DNAH17: variants seen among roughly 807,000 people sequenced by gnomAD.
DNAH17 encodes the protein dynein axonemal heavy chain 17, also known as axonemal beta dynein heavy chain 17.
DNAH17 carries 376 observed loss-of-function variants against 485.6 expected under a neutral mutation model. That is an observed-to-expected ratio of 0.77 (90% CI 0.71 to 0.84). The LOEUF (loss-of-function observed/expected upper bound fraction) is 0.84, where lower values mean the gene tolerates loss of function less well. Ranked by LOEUF, DNAH17 falls within the 40% of genes least tolerant of loss-of-function variation. The pLI, the probability that DNAH17 is intolerant of heterozygous loss-of-function variation, is 0.00. For missense variants in DNAH17, 6,370 were observed against 5,839.3 expected (o/e 1.09, Z -2.96); for synonymous variants, 3,031 against 2,405.9 (o/e 1.26, Z -7.60).
At chr17:78,550,660 C>T (rs1038344385) in intron 16 of DNAH17, among the ~76,000 whole-genome samples, 2 of 152,140 alleles carry the variant, frequency 1.3e-5, no homozygotes, top group South Asian at 2.1e-4. Context: ...CTTGGCCTTC[C>T]AGCCTCCAGA....
At position 78,479,606 on chromosome 17, in the gene DNAH17, G is replaced by A. The variant is rs778323445; in HGVS notation, c.7779C>T (p.Ser2593=). ...LQRHFCVFAV[S]FPGQEALTTI... ...TGGTGAGGGCCTCCTGGCCGGGGAA[G>A]CTCACAGCAAACACGCAGAAATGGC... The change falls in exon 50 of 81, where the codon AGC becomes AGT. Residue 2593 remains serine (S), a synonymous_variant. Coordinates refer to ENST00000389840, the MANE Select transcript of DNAH17 (RefSeq NM_173628.4). The A allele has an allele frequency of 1.3e-5, 21 of 1,613,316 alleles. No individual in the cohort carries two copies. Among genetic ancestry groups the A allele is most frequent in the Middle Eastern group, 1.7e-4 (1 of 6,050 alleles).
intron 56 of DNAH17, among the ~76,000 whole-genome samples, chr17:78,463,613 T>G (rs2088264061): frequency 6.6e-6 from 1 of 152,248 alleles, no homozygotes; most frequent in Non-Finnish European, 1.5e-5. Context: ...TGCATGTGCA[T>G]TCACATACCT....
chr17:78,529,836 T>C (rs2091182521), intron 21 of DNAH17, 142 bp from the exon 22 acceptor site: 3 of 779,420 alleles, frequency 3.8e-6, no homozygotes, highest in Admixed American at 5.4e-5. Flanking sequence ...GGAGCGCCCC[T>C]GCCCACCTTG....
rs1598452882 is a variant in DNAH17 at position 78,441,115 on chromosome 17, G to A, written c.11613C>T (p.Pro3871=). The change falls in exon 72 of 81, where the codon CCC becomes CCT. Residue 3871 remains proline, a synonymous_variant. Transcript: ENST00000389840. Reference sequence around the variant, plus strand: ...AGAGGATGAAGAAGATTGACGTGGAGGGGCTGCTCTCCTCGTAGGACTTAG... The same window carrying A: ...AGAGGATGAAGAAGATTGACGTGGAAGGGCTGCTCTCCTCGTAGGACTTAG... ...EFSKSYEESS[P]STSIFFILSP... is the part of the protein sequence containing the mutation. The A allele has an allele frequency of 4.3e-6, 7 of 1,613,894 alleles. No individual in the cohort carries two copies. The South Asian group carries it at 4.4e-5, about 10-fold the overall frequency.
rs181417524 is a variant in DNAH17 at position 78,450,506 on chromosome 17, T to C, written c.10900-112A>G. 4 of 1,479,926 alleles carry C rather than the reference T, an allele frequency of 2.7e-6. No individual in the cohort carries two copies. The African/African-American group carries it at 5.5e-5, about 21-fold the overall frequency. The allele number at this position is 1,479,926 out of a possible 1,614,324, so 91.7% of individuals were successfully genotyped here. On this transcript the variant is annotated intron_variant, in intron 67 of 80. Transcript: ENST00000389840. ...TCCCTGGGAAGCCACCCAAGGGCTC[T>C]CAGCAGCAGCTGGGTGCAGGATGGG... is the stretch of plus-strand genomic sequence containing the variant.
chr17:78,495,863 T>C lies in DNAH17; in HGVS notation c.5903+12A>G, dbSNP rs16971452. ...CTCACTGCAGCCACTCACTTTCACC[T>C]GGGCCACGTACCTGAATAAGGCTTT... is the stretch of plus-strand genomic sequence containing the variant. On this transcript the variant is annotated intron_variant, in intron 38 of 80. Transcript: ENST00000389840. The C allele has an allele frequency of 2.2e-3, 3,557 of 1,608,368 alleles. 77 individuals carry two copies. In the African/African-American group the frequency reaches 0.042, roughly 19 times the overall value.
chr17:78,492,313 C>T (rs947635054), intron 42 of DNAH17, among the ~76,000 whole-genome samples: 2 of 147,126 alleles, frequency 1.4e-5, no homozygotes, highest in Non-Finnish European at 3.0e-5. Flanking sequence ...CTCCAGCCTG[C>T]ATGTCTGGGC....
rs996570955 is a variant in DNAH17, at chr17:78,445,737, T to C, written c.11212-57A>G. The C allele has an allele frequency of 1.9e-6, 3 of 1,557,028 alleles. No individual in the cohort carries two copies. In the African/African-American group the frequency reaches 4.1e-5, roughly 21 times the overall value. ...GCAGCCAGTAAAACGTCAGCAGCCCTGAAGATGCGCGCTGGACTCGAAGAG... is the reference window on the plus strand; with the variant it reads ...GCAGCCAGTAAAACGTCAGCAGCCCCGAAGATGCGCGCTGGACTCGAAGAG... On this transcript the variant is annotated intron_variant, in intron 69 of 80. Transcript: ENST00000389840.
chr17:78,530,857 G>C (rs773127317), intron 20 of DNAH17, among the ~76,000 whole-genome samples: 12 of 152,272 alleles, frequency 7.9e-5, no homozygotes, highest in Middle Eastern at 3.4e-3. Flanking sequence ...CCTTCTACCT[G>C]AGGCCTCTGT....
At chr17:78,491,334 G>A (rs959537025) in intron 43 of DNAH17, 109 bp downstream of exon 43, 14 of 1,455,748 alleles carry the variant, frequency 9.6e-6, no homozygotes, top group Non-Finnish European at 1.2e-5. Flanking sequence ...CACGCCACCT[G>A]CGCCAAGCCT....
intron 79 of DNAH17, among the ~76,000 whole-genome samples, chr17:78,426,128 T>G (rs1002576869): frequency 6.6e-6 from 1 of 152,142 alleles, no homozygotes; most frequent in African/African-American, 2.4e-5. Context: ...GGCTTCCTGT[T>G]TGTGGATAAT....
chr17:78,487,241 C>G (rs557837053), intron 44 of DNAH17, among the ~76,000 whole-genome samples: 1 of 152,278 alleles, frequency 6.6e-6, no homozygotes, highest in East Asian at 1.9e-4. Flanking sequence ...ACTGCACATG[C>G]CTGAGTCCCT....
intron 41 of DNAH17, chr17:78,493,304 C>T (rs746869977): frequency 1.9e-4 from 30 of 156,210 alleles, no homozygotes; most frequent in Admixed American, 8.7e-4. Flanking sequence ...GTCTGCAGCC[C>T]GCAGAGAGCT....
chr17:78,521,172 G>A (rs1055495754), intron 25 of DNAH17, among the ~76,000 whole-genome samples: 9 of 152,172 alleles, frequency 5.9e-5, no homozygotes, highest in East Asian at 1.9e-4. Context: ...TTGGGAGGCT[G>A]AGGCAGGTGG....
Position 78,479,061 on chromosome 17 carries a change from A to G in DNAH17, c.7956T>C (p.Tyr2652=), listed in dbSNP as rs747837973. The change falls in exon 51 of 81, where the codon TAT becomes TAC. Residue 2652 remains tyrosine (Y), a synonymous_variant. Coordinates refer to ENST00000389840, the MANE Select transcript of DNAH17 (RefSeq NM_173628.4). ...TFLPTAIKFH[Y]VFNLRDLSNI... is the part of the protein sequence containing the mutation. ...TGGAGAGGTCCCTGAGGTTGAAGACATAATGAAACTTAATGGCCGTGGGAA... is the reference window on the plus strand; with the variant it reads ...TGGAGAGGTCCCTGAGGTTGAAGACGTAATGAAACTTAATGGCCGTGGGAA... The G allele has an allele frequency of 7.4e-6, 12 of 1,613,954 alleles. No individual in the cohort carries two copies. Among genetic ancestry groups the G allele is most frequent in the Non-Finnish European group, 9.3e-6 (11 of 1,179,916 alleles).
At chr17:78,532,789 AT>A in intron 19 of DNAH17, 53 bp from the exon 20 acceptor site, 1 of 1,512,616 alleles carries the variant, frequency 6.6e-7, no homozygotes, top group South Asian at 1.3e-5. Flanking sequence ...CTGGTTCATA[AT>A]TTAGGTGTTG....
At chr17:78,443,804 C>T (rs915387111) in intron 71 of DNAH17, among the ~76,000 whole-genome samples, 1 of 152,134 alleles carries the variant, frequency 6.6e-6, no homozygotes, top group South Asian at 2.1e-4. Flanking sequence ...CCCCAAAGTA[C>T]TGGGATTACA....
At chr17:78,483,290 T>C (rs1299242137) in intron 48 of DNAH17, among the ~76,000 whole-genome samples, 1 of 152,126 alleles carries the variant, frequency 6.6e-6, no homozygotes, top group Non-Finnish European at 1.5e-5. Context: ...GGAGTGTCGT[T>C]TAGTGAGGAA....
At chr17:78,473,523 G>A (rs193127870) in intron 54 of DNAH17, among the ~76,000 whole-genome samples, 3,004 of 129,444 alleles carry the variant, frequency 0.023, 39 homozygotes, top group Middle Eastern at 0.059. Flanking sequence ...CAGCCTGGGC[G>A]ACAGAGTGAG....
Sources: gnomAD v4.1 joint callset for allele counts (sites outside exome capture counted in the v4.1 genomes callset) on GRCh38, gnomAD v4.1.1 for gene constraint, MANE v1.5 for transcripts, NCBI Gene and HGNC (gene_info 2026-07-23, HGNC 2026-07-21) for gene names.